The following ZNF705B variants were observed in gnomAD, a reference collection of about 807,000 sequenced individuals.
ZNF705B encodes zinc finger protein 705B.
Under a neutral mutation model 10.5 loss-of-function variants are expected in ZNF705B, and 1 was observed. That is an observed-to-expected ratio of 0.10 (90% CI 0.03 to 0.45). The LOEUF (loss-of-function observed/expected upper bound fraction) is 0.45. Among genes scored for constraint, ZNF705B ranks in the 20% least tolerant of loss-of-function variants. The pLI, the probability that ZNF705B is intolerant of heterozygous loss-of-function variation, is 0.97. For missense variants in ZNF705B, 14 were observed against 84.0 expected (o/e 0.17, Z 3.26); for synonymous variants, 4 against 25.4 (o/e 0.16, Z 2.53).
At chr8:7,928,939 G>A (rs1335477381) in intron 1 of ZNF705B, among the ~76,000 whole-genome samples, 2 of 111,768 alleles carry the variant, frequency 1.8e-5, no homozygotes, top group African/African-American at 5.2e-5. Context: ...GGATTTTAGA[G>A]ACTCAGAAGG....
chr8:7,927,803 C>T (rs1208599461), intron 1 of ZNF705B, among the ~76,000 whole-genome samples: 95 of 147,436 alleles, frequency 6.4e-4, no homozygotes, highest in Admixed American at 1.3e-3. Context: ...TTTGCAAAGA[C>T]CACAGCTTAC....
intron 2 of ZNF705B, among the ~76,000 whole-genome samples, chr8:7,936,808 A>T (rs1820028249): frequency 8.3e-6 from 1 of 120,128 alleles, no homozygotes; most frequent in African/African-American, 2.6e-5. Context: ...CCCAAACCTC[A>T]ATATCACACA....
rs1472718802 is a variant in ZNF705B, at chr8:7,949,677, TG to T, written c.140-355del. ...ACACCAATTATTTTTGTAAATCGAA[TG>T]TTTTTTTTTGTTCTGCGTGAGAATA... On this transcript the variant is annotated intron_variant, in intron 4 of 6. Coordinates refer to ENST00000400120, the MANE Select transcript of ZNF705B (RefSeq NM_001193630.1). Among the ~76,000 whole-genome samples the T allele has an allele frequency of 3.3e-3, 276 of 83,064 alleles. 3 individuals carry two copies. Among genetic ancestry groups the T allele is most frequent in the African/African-American group, 8.7e-3 (264 of 30,236 alleles). The allele number at this position is 83,064 out of a possible 152,430, so 54.5% of individuals were successfully genotyped here.
chr8:7,940,369 A>G (rs550395222), intron 2 of ZNF705B, among the ~76,000 whole-genome samples: 3 of 146,050 alleles, frequency 2.1e-5, no homozygotes, highest in Admixed American at 6.9e-5. Context: ...CATCACTACC[A>G]TCAAGATTAT....
chr8:7,932,498 T>A (rs533461169), intron 2 of ZNF705B, among the ~76,000 whole-genome samples: 2 of 121,444 alleles, frequency 1.6e-5, no homozygotes, highest in Non-Finnish European at 4.0e-5. Context: ...CTTTAATATA[T>A]GTGTCCAAAC....
chr8:7,927,311 C>T (rs1310106621), intron 1 of ZNF705B, among the ~76,000 whole-genome samples: 6 of 120,488 alleles, frequency 5.0e-5, no homozygotes, highest in African/African-American at 1.5e-4. Context: ...TGAGACATTC[C>T]AGGCCTTATG....
chr8:7,932,403 T>A lies in ZNF705B; in HGVS notation c.-72+1967T>A, dbSNP rs1056788485. ...TCTACTTGCTGTCTTGGTCTTTCTT[T>A]GGGAGGACACAGTGCCTGGTACCTC... On this transcript the variant is annotated intron_variant, in intron 2 of 6. Transcript: ENST00000400120. Among the ~76,000 whole-genome samples the A allele has an allele frequency of 4.9e-5, 6 of 121,268 alleles. 1 individual carries two copies. The highest frequency in any genetic ancestry group is 9.9e-5 in the Non-Finnish European group (5 of 50,622). 79.6% of individuals were successfully genotyped at this position (121,268 alleles called of 152,430 possible). A position where few individuals can be genotyped will look rare whatever the true frequency, so the allele number is the denominator to read the frequency against.
At chr8:7,939,038 TA>T (rs1820092112) in intron 2 of ZNF705B, among the ~76,000 whole-genome samples, 1 of 22,982 alleles carries the variant, frequency 4.4e-5, no homozygotes. Context: ...AATGGGGACA[TA>T]AGCTACATTT....
chr8:7,926,456 T>TTGCTTTCAGGGTG (rs1359564589), intron 1 of ZNF705B, 59 bp downstream of exon 1: 2 of 118,274 alleles, frequency 1.7e-5, no homozygotes, highest in African/African-American at 5.2e-5. Context: ...ATAAAGAGGC[T>TTGCTTTCAGGGTG]TGCTTTCAGG....
chr8:7,937,171 C>T lies in ZNF705B; in HGVS notation c.-72+6735C>T, dbSNP rs551680257. On this transcript the variant is annotated intron_variant, in intron 2 of 6. Coordinates refer to ENST00000400120, the MANE Select transcript of ZNF705B (RefSeq NM_001193630.1). Reference sequence around the variant, plus strand: ...AACTTGCCCAAGATTACCCAGTGATCGAGTGAAGCAGATGATAGGGACAGC... The same window carrying T: ...AACTTGCCCAAGATTACCCAGTGATTGAGTGAAGCAGATGATAGGGACAGC... Among the ~76,000 whole-genome samples, 920 of 116,532 alleles carry T rather than the reference C, an allele frequency of 7.9e-3. 56 individuals are homozygous for T. Among genetic ancestry groups the T allele is most frequent in the African/African-American group, 0.022 (850 of 38,314 alleles). The allele number at this position is 116,532 out of a possible 152,430, so 76.4% of individuals were successfully genotyped here. A position where few individuals can be genotyped will look rare whatever the true frequency, so the allele number is the denominator to read the frequency against.
chr8:7,929,580 A>T (rs1231133697), intron 1 of ZNF705B, among the ~76,000 whole-genome samples: 10 of 123,562 alleles, frequency 8.1e-5, no homozygotes, highest in Non-Finnish European at 1.9e-4. Flanking sequence ...GGAGACTTGG[A>T]TCTGTAATCA....
intron 2 of ZNF705B, among the ~76,000 whole-genome samples, chr8:7,933,973 C>A (rs1162489167): frequency 2.1e-4 from 22 of 104,510 alleles, no homozygotes; most frequent in Middle Eastern, 9.4e-3. Context: ...CAGTGTCTTA[C>A]TCTGTCACCC....
chr8:7,927,705 A>G (rs1463744770), intron 1 of ZNF705B, among the ~76,000 whole-genome samples: 4 of 144,420 alleles, frequency 2.8e-5, no homozygotes, highest in Non-Finnish European at 4.7e-5. Context: ...CACTCAGTTG[A>G]TGAATGGCAG....
rs375628734 is a variant in ZNF705B at position 7,929,146 on chromosome 8, A to G, written c.-221-1141A>G. Among the ~76,000 whole-genome samples the G allele has an allele frequency of 1.6e-4, 20 of 121,794 alleles. 6 individuals are homozygous for G. Among genetic ancestry groups the G allele is most frequent in the Middle Eastern group, 4.0e-3 (1 of 250 alleles). The allele number at this position is 121,794 out of a possible 152,430, so 79.9% of individuals were successfully genotyped here. ...CCTTAATGATTCATGTAGCACTTTCATATCTTGAAATAAGGTAATGTCAGT... is the reference window on the plus strand; with the variant it reads ...CCTTAATGATTCATGTAGCACTTTCGTATCTTGAAATAAGGTAATGTCAGT... On this transcript the variant is annotated intron_variant, in intron 1 of 6. Coordinates refer to ENST00000400120, the MANE Select transcript of ZNF705B (RefSeq NM_001193630.1).
chr8:7,931,355 T>C lies in ZNF705B; in HGVS notation c.-72+919T>C, dbSNP rs1322640608. On this transcript the variant is annotated intron_variant, in intron 2 of 6. Coordinates refer to ENST00000400120, the MANE Select transcript of ZNF705B (RefSeq NM_001193630.1). ...TCACCTGGTGCAAATATGTGGGCAC[T>C]GGTGACAGCCGTGATGGCAGGATGG... Among the ~76,000 whole-genome samples the C allele has an allele frequency of 6.6e-5, 8 of 121,998 alleles. 1 individual carries two copies. The South Asian group carries it at 1.1e-3, about 17-fold the overall frequency. 80.0% of individuals were successfully genotyped at this position (121,998 alleles called of 152,430 possible).
At chr8:7,933,028 C>T (rs1322762801) in intron 2 of ZNF705B, among the ~76,000 whole-genome samples, 1 of 118,524 alleles carries the variant, frequency 8.4e-6, no homozygotes, top group Non-Finnish European at 2.0e-5. Flanking sequence ...AATGTGCCAC[C>T]TTGTAAGCAA....
At chr8:7,926,656 GA>G (rs1230173872) in intron 1 of ZNF705B, among the ~76,000 whole-genome samples, 4 of 105,534 alleles carry the variant, frequency 3.8e-5, no homozygotes, top group Middle Eastern at 5.0e-3. Flanking sequence ...TTAAGAAGCG[GA>G]ACATTTGGGA....
At chr8:7,926,654 C>T (rs1204965343) in intron 1 of ZNF705B, among the ~76,000 whole-genome samples, 15 of 105,134 alleles carry the variant, frequency 1.4e-4, no homozygotes, top group Admixed American at 1.2e-3. Context: ...TGTTAAGAAG[C>T]GGAACATTTG....
rs1390009473 is a variant in ZNF705B at position 7,936,570 on chromosome 8, G to A, written c.-72+6134G>A. ...AAAGAACAAAATTGTGTCCTTTTCA[G>A]CAACATGGATGCAGCTGGAGGACTT... On this transcript the variant is annotated intron_variant, in intron 2 of 6. Coordinates refer to ENST00000400120, the MANE Select transcript of ZNF705B (RefSeq NM_001193630.1). Among the ~76,000 whole-genome samples the A allele has an allele frequency of 1.7e-5, 2 of 120,208 alleles. 1 individual carries two copies. Among genetic ancestry groups the A allele is most frequent in the East Asian group, 4.7e-4 (2 of 4,244 alleles). The allele number at this position is 120,208 out of a possible 152,430, so 78.9% of individuals were successfully genotyped here.
Sources: gnomAD v4.1 joint callset for allele counts (sites outside exome capture counted in the v4.1 genomes callset) on GRCh38, gnomAD v4.1.1 for gene constraint, MANE v1.5 for transcripts, NCBI Gene and HGNC (gene_info 2026-07-23, HGNC 2026-07-21) for gene names.